Variants in PLCB1 observed in about 807,000 individuals in gnomAD.
The protein encoded by PLCB1 is phospholipase C beta 1.
A neutral mutation model predicts 161.8 loss-of-function variants in PLCB1; 46 were observed. The ratio of observed to expected loss-of-function variants is 0.28; its 90% CI spans 0.22 to 0.36. The LOEUF (loss-of-function observed/expected upper bound fraction) is 0.36, where lower values mean the gene tolerates loss of function less well. PLCB1 is among the 10% of genes least tolerant of loss of function. The pLI is 1.00. For missense variants in PLCB1, 1,016 were observed against 1,472.5 expected (o/e 0.69, Z 5.07); for synonymous variants, 517 against 503.7 (o/e 1.03, Z -0.35).
chr20:8,484,993 AAG>A (rs1419367664), intron 3 of PLCB1, among the ~76,000 whole-genome samples: 1 of 152,202 alleles, frequency 6.6e-6, no homozygotes, highest in Non-Finnish European at 1.5e-5. Flanking sequence ...ACTCAAAATG[AAG>A]AGAGAGAAAT....
chr20:8,776,637 T>G (rs896082771), intron 27 of PLCB1, among the ~76,000 whole-genome samples: 1 of 152,218 alleles, frequency 6.6e-6, no homozygotes, highest in Non-Finnish European at 1.5e-5. Context: ...TTCATCGCCT[T>G]AAAAAGAAAT....
intron 2 of PLCB1, among the ~76,000 whole-genome samples, chr20:8,185,556 G>A (rs2051894327): frequency 6.9e-6 from 1 of 144,414 alleles, no homozygotes; most frequent in Non-Finnish European, 1.5e-5. Flanking sequence ...ATATTTGTTT[G>A]TGTATATATA....
chr20:8,671,498 A>G (rs1568554683), intron 9 of PLCB1, among the ~76,000 whole-genome samples: 1 of 152,202 alleles, frequency 6.6e-6, no homozygotes. Context: ...AAGTCGGGAA[A>G]AGAATTTGGA....
chr20:8,765,197 A>G lies in PLCB1; in HGVS notation c.2769A>G (p.Gln923=), dbSNP rs1207055034. 8 of 1,614,034 alleles carry G rather than the reference A, an allele frequency of 5.0e-6. No homozygotes were observed. The highest frequency in any genetic ancestry group is 1.6e-4 in the Middle Eastern group (1 of 6,084). ...AACAGAAATCGTTTGTGAAACTTCAAAAGAAACACTACAAAGAAATGAAAG... is the reference window on the plus strand; with the variant it reads ...AACAGAAATCGTTTGTGAAACTTCAGAAGAAACACTACAAAGAAATGAAAG... ...LKQQKSFVKL[Q]KKHYKEMKDL... is the part of the protein sequence containing the mutation. The change falls in exon 26 of 32, where the codon CAA becomes CAG. Residue 923 remains glutamine (Q), a synonymous_variant. Coordinates refer to ENST00000338037, the MANE Select transcript of PLCB1 (RefSeq NM_015192.4).
rs140229198 is a variant in PLCB1, at chr20:8,831,935, T to C, written c.3423+41674T>C. 4.8e-3 allele frequency among the ~76,000 whole-genome samples: 316 copies of C among 65,238 alleles called. 1 individual carries two copies. The highest frequency in any genetic ancestry group is 0.019 in the South Asian group (26 of 1,384). The allele number at this position is 65,238 out of a possible 152,430, so 42.8% of individuals were successfully genotyped here. A position where few individuals can be genotyped will look rare whatever the true frequency, so the allele number is the denominator to read the frequency against. On this transcript the variant is annotated intron_variant, in intron 31 of 31. Transcript: ENST00000338037. ...TTCTCTTTCTTTCTTTCTTTCTTTCTTTCTTTCTTTCTTTCTTTCTTTCTT... is the reference window on the plus strand; with the variant it reads ...TTCTCTTTCTTTCTTTCTTTCTTTCCTTCTTTCTTTCTTTCTTTCTTTCTT...
chr20:8,871,380 C>T (rs926467261), intron 31 of PLCB1, among the ~76,000 whole-genome samples: 5 of 152,062 alleles, frequency 3.3e-5, no homozygotes, highest in Admixed American at 1.3e-4. Context: ...AGCTTCTGCC[C>T]AAAATAAGGA....
chr20:8,499,983 T>C (rs1226176161), intron 3 of PLCB1, among the ~76,000 whole-genome samples: 1 of 152,180 alleles, frequency 6.6e-6, no homozygotes, highest in Non-Finnish European at 1.5e-5. Context: ...CAGATAATAT[T>C]TGTTAACAAA....
At chr20:8,422,250 CAAG>C (rs778725776) in intron 3 of PLCB1, among the ~76,000 whole-genome samples, 15 of 152,128 alleles carry the variant, frequency 9.9e-5, no homozygotes, top group Non-Finnish European at 1.6e-4. Flanking sequence ...ACTAACACTT[CAAG>C]AAGAAGATTT....
chr20:8,145,735 A>G (rs1216029541), intron 1 of PLCB1, among the ~76,000 whole-genome samples: 1 of 152,236 alleles, frequency 6.6e-6, no homozygotes, highest in Non-Finnish European at 1.5e-5. Context: ...AGCGTGAGCC[A>G]CACAGGACAC....
intron 2 of PLCB1, among the ~76,000 whole-genome samples, chr20:8,367,546 T>A (rs1986752260): frequency 6.6e-6 from 1 of 152,184 alleles, no homozygotes; most frequent in African/African-American, 2.4e-5. Flanking sequence ...CTCAGTGTGG[T>A]AAAGTTATTG....
intron 12 of PLCB1, among the ~76,000 whole-genome samples, chr20:8,709,144 G>C (rs897234159): frequency 6.6e-5 from 10 of 152,200 alleles, no homozygotes; most frequent in Non-Finnish European, 1.2e-4. Flanking sequence ...TGTGGCAGGT[G>C]GGGGGAGAGC....
At chr20:8,374,861 C>A (rs1987023559) in intron 3 of PLCB1, among the ~76,000 whole-genome samples, 1 of 152,088 alleles carries the variant, frequency 6.6e-6, no homozygotes, top group South Asian at 2.1e-4. Flanking sequence ...CCAGGCACCC[C>A]ACAAATATTT....
At chr20:8,664,204 C>A (rs1343483689) in intron 9 of PLCB1, among the ~76,000 whole-genome samples, 1 of 152,038 alleles carries the variant, frequency 6.6e-6, no homozygotes, top group East Asian at 1.9e-4. Context: ...GTTCTTCCTC[C>A]TAAATTTTTA....
At chr20:8,316,421 A>G (rs913119362) in intron 2 of PLCB1, among the ~76,000 whole-genome samples, 2 of 152,080 alleles carry the variant, frequency 1.3e-5, no homozygotes, top group African/African-American at 2.4e-5. Context: ...CTTGCCTGTA[A>G]TGACTCCTTC....
At chr20:8,417,071 A>AT (rs1568667987) in intron 3 of PLCB1, among the ~76,000 whole-genome samples, 12 of 51,656 alleles carry the variant, frequency 2.3e-4, no homozygotes, top group South Asian at 1.3e-3. Context: ...ATATATATAT[A>AT]TATTTTTTTT....
intron 23 of PLCB1, among the ~76,000 whole-genome samples, chr20:8,745,342 C>A (rs1241791101): frequency 6.6e-6 from 1 of 152,130 alleles, no homozygotes; most frequent in East Asian, 1.9e-4. Flanking sequence ...TAGGACATGG[C>A]AGGCACTGGG....
intron 3 of PLCB1, among the ~76,000 whole-genome samples, chr20:8,611,559 ATCATG>A (rs1481541068): frequency 2.0e-5 from 3 of 152,178 alleles, no homozygotes; most frequent in Non-Finnish European, 1.5e-5. Flanking sequence ...ACATGGCTAT[ATCATG>A]TTTTTTACTT....
intron 3 of PLCB1, among the ~76,000 whole-genome samples, chr20:8,482,452 T>C (rs1982545059): frequency 6.6e-6 from 1 of 152,194 alleles, no homozygotes; most frequent in Non-Finnish European, 1.5e-5. Context: ...AAAATGTGTA[T>C]CTTTTGTACA....
At chr20:8,519,205 C>T (rs1412546184) in intron 3 of PLCB1, among the ~76,000 whole-genome samples, 1 of 151,976 alleles carries the variant, frequency 6.6e-6, no homozygotes, top group African/African-American at 2.4e-5. Context: ...CGAAAACAGA[C>T]ACACTCCTTG....
Sources: gnomAD v4.1 joint callset for allele counts (sites outside exome capture counted in the v4.1 genomes callset) on GRCh38, gnomAD v4.1.1 for gene constraint, MANE v1.5 for transcripts, NCBI Gene and HGNC (gene_info 2026-07-23, HGNC 2026-07-21) for gene names.